DENND1A: variants seen among roughly 807,000 people sequenced by gnomAD.
DENND1A encodes the protein DENN domain-containing protein 1A.
In DENND1A, 51 loss-of-function variants were observed where a neutral mutation model predicts 113.7. That is an observed-to-expected ratio of 0.45 (90% CI 0.36 to 0.57). The LOEUF is 0.57. DENND1A is among the 20% of genes least tolerant of loss of function. The pLI, the probability that DENND1A is intolerant of heterozygous loss-of-function variation, is 0.00. For missense variants in DENND1A, 1,258 were observed against 1,395.9 expected (o/e 0.90, Z 1.57); for synonymous variants, 565 against 570.8 (o/e 0.99, Z 0.14).
chr9:123,499,505 C>T (rs1156606049), intron 13 of DENND1A, among the ~76,000 whole-genome samples: 2 of 152,190 alleles, frequency 1.3e-5, no homozygotes, highest in Non-Finnish European at 2.9e-5. Context: ...GCAGCGCTCT[C>T]ATCACTTTAT....
At chr9:123,559,107 G>T (rs1260683560) in intron 12 of DENND1A, among the ~76,000 whole-genome samples, 1 of 152,180 alleles carries the variant, frequency 6.6e-6, no homozygotes, top group Admixed American at 6.5e-5. Context: ...AAAGAGGGGT[G>T]AGCACCGCGT....
intron 19 of DENND1A, among the ~76,000 whole-genome samples, chr9:123,427,252 A>C (rs970495847): frequency 6.6e-6 from 1 of 152,264 alleles, no homozygotes; most frequent in Admixed American, 6.5e-5. Flanking sequence ...CGAGAATGTT[A>C]GACCCCTGAA....
chr9:123,626,536 T>C (rs572195262), intron 10 of DENND1A, among the ~76,000 whole-genome samples: 27 of 152,246 alleles, frequency 1.8e-4, no homozygotes, highest in Admixed American at 4.6e-4. Flanking sequence ...GTGTGTGTTT[T>C]GTTCCTTGTC....
chr9:123,609,604 T>C, intron 10 of DENND1A, 123 bp from the exon 11 acceptor site: 3 of 1,107,398 alleles, frequency 2.7e-6, no homozygotes, highest in Non-Finnish European at 3.8e-6. Context: ...TACATTTCCT[T>C]TCACAACAAA....
chr9:123,728,480 A>C (rs949001696), intron 5 of DENND1A, among the ~76,000 whole-genome samples: 6 of 71,406 alleles, frequency 8.4e-5, no homozygotes, highest in Admixed American at 2.7e-4. Flanking sequence ...TCTGTCTCCC[A>C]AAAAAAAAAA....
Position 123,691,820 on chromosome 9 carries a change from G to A in DENND1A, c.303-15031C>T, listed in dbSNP as rs1449297895. Among the ~76,000 whole-genome samples the A allele has an allele frequency of 4.6e-5, 7 of 152,282 alleles. 1 individual carries two copies. The highest frequency in any genetic ancestry group is 3.9e-4 in the Admixed American group (6 of 15,302). On this transcript the variant is annotated intron_variant, in intron 5 of 23. Coordinates refer to ENST00000394215, the MANE Select transcript of DENND1A (RefSeq NM_001352964.2). ...GTGGCTGGTGAAAGTCCTCAAGGAA[G>A]AAGGAGGTTCCAAAAATGAGGGCCT...
intron 2 of DENND1A, among the ~76,000 whole-genome samples, chr9:123,872,515 C>A (rs1487421424): frequency 6.6e-6 from 1 of 152,084 alleles, no homozygotes; most frequent in African/African-American, 2.4e-5. Context: ...TTTATTTACA[C>A]ACACATTCAC....
intron 13 of DENND1A, among the ~76,000 whole-genome samples, chr9:123,550,612 A>T (rs1822524275): frequency 6.6e-6 from 1 of 152,240 alleles, no homozygotes; most frequent in South Asian, 2.1e-4. Flanking sequence ...AATTGAAAGC[A>T]CACAAATCTA....
At chr9:123,457,969 G>C in intron 13 of DENND1A, 72 bp from the exon 14 acceptor site, 1 of 1,197,100 alleles carries the variant, frequency 8.4e-7, no homozygotes, top group South Asian at 1.4e-5. Context: ...ATTCCTATTT[G>C]CAGAGTTTCT....
At chr9:123,474,192 A>G (rs932122488) in intron 13 of DENND1A, among the ~76,000 whole-genome samples, 3 of 151,834 alleles carry the variant, frequency 2.0e-5, no homozygotes, top group African/African-American at 7.3e-5. Flanking sequence ...ATGGGGTTTC[A>G]CAATGTTAGT....
chr9:123,857,398 CAAAT>C (rs1356855432), intron 2 of DENND1A, among the ~76,000 whole-genome samples: 1 of 152,070 alleles, frequency 6.6e-6, no homozygotes, highest in African/African-American at 2.4e-5. Context: ...GTCAAATAAA[CAAAT>C]AAACTGAAAG....
At chr9:123,831,168 G>A (rs1182030665) in intron 2 of DENND1A, among the ~76,000 whole-genome samples, 1 of 152,046 alleles carries the variant, frequency 6.6e-6, no homozygotes, top group Non-Finnish European at 1.5e-5. Flanking sequence ...CAAATATTTA[G>A]AGTATGAAAT....
chr9:123,565,017 T>C (rs2057975150), intron 12 of DENND1A, among the ~76,000 whole-genome samples: 1 of 128,472 alleles, frequency 7.8e-6, no homozygotes, highest in Non-Finnish European at 1.6e-5. Flanking sequence ...AGATGGAGTC[T>C]CACTTACTCT....
At chr9:123,685,843 T>G (rs761004826) in intron 5 of DENND1A, among the ~76,000 whole-genome samples, 8 of 152,202 alleles carry the variant, frequency 5.3e-5, no homozygotes, top group Non-Finnish European at 1.0e-4. Context: ...TGCCTACTCC[T>G]GTATTCACAC....
At chr9:123,637,979 A>C (rs2061807197) in intron 9 of DENND1A, among the ~76,000 whole-genome samples, 1 of 151,868 alleles carries the variant, frequency 6.6e-6, no homozygotes, top group Non-Finnish European at 1.5e-5. Context: ...ACACACCAAA[A>C]AAACCACCCA....
chr9:123,455,331 G>A (rs1021612545), intron 15 of DENND1A, among the ~76,000 whole-genome samples: 3 of 152,150 alleles, frequency 2.0e-5, no homozygotes, highest in East Asian at 1.9e-4. Context: ...TCCTCCAGTC[G>A]CGCCTCACGG....
chr9:123,382,084 C>T lies in DENND1A; in HGVS notation c.2561G>A (p.Trp854Ter). Residue 854 changes from tryptophan (W) to a stop codon, truncating the protein, a stop_gained, in exon 24 of 24, where the codon TGG becomes TAG. Coordinates refer to ENST00000394215, the MANE Select transcript of DENND1A (RefSeq NM_001352964.2). LOFTEE classifies it high-confidence loss of function. ...LALLDPLSTAWSGSTLPSRPA... is the reference protein window; with the variant it reads ...LALLDPLSTA ...GCGTGACGGGAGGGTGCTGCCTGAC[C>T]AGGCTGTGCTGAGCGGGTCCAGGAG... The T allele has an allele frequency of 1.3e-6, 2 of 1,525,782 alleles. No homozygotes were observed. The highest frequency in any genetic ancestry group is 1.8e-6 in the Non-Finnish European group (2 of 1,138,520). The allele number at this position is 1,525,782 out of a possible 1,614,324, so 94.5% of individuals were successfully genotyped here. A position where few individuals can be genotyped will look rare whatever the true frequency, so the allele number is the denominator to read the frequency against.
At chr9:123,409,822 T>C (rs916631797) in intron 20 of DENND1A, among the ~76,000 whole-genome samples, 1 of 152,170 alleles carries the variant, frequency 6.6e-6, no homozygotes, top group Non-Finnish European at 1.5e-5. Context: ...CCGGGTGCGG[T>C]GGCTCACGTC....
intron 13 of DENND1A, among the ~76,000 whole-genome samples, chr9:123,467,497 T>C (rs12004031): frequency 0.047 from 7,068 of 151,918 alleles, 555 homozygotes; most frequent in African/African-American, 0.16. Flanking sequence ...CTACTAAAAA[T>C]ACAAAAAATT....
Sources: allele counts gnomAD v4.1 joint callset (sites outside exome capture counted in the v4.1 genomes callset), GRCh38; gene constraint gnomAD v4.1.1; transcripts MANE v1.5; gene names NCBI Gene and HGNC (gene_info 2026-07-23, HGNC 2026-07-21).